Variants in CPM observed in about 807,000 individuals in gnomAD.
The protein encoded by CPM is carboxypeptidase M, also known as renal carboxypeptidase.
A neutral mutation model predicts 46.4 loss-of-function variants in CPM; 35 were observed. The observed-to-expected ratio is 0.75, with a 90% CI of 0.58 to 1.00. CPM has a LOEUF of 1.00. Among genes scored for constraint, CPM ranks in the 50% least tolerant of loss-of-function variants. The pLI is 0.00. For synonymous variants in CPM, 195 were observed against 195.3 expected (o/e 1.00, Z 0.01); for missense variants, 422 against 530.4 (o/e 0.80, Z 2.01).
intron 1 of CPM, among the ~76,000 whole-genome samples, chr12:68,962,588 A>G (rs1889140614): frequency 1.3e-5 from 2 of 152,146 alleles, no homozygotes; most frequent in African/African-American, 4.8e-5. Flanking sequence ...AAGTACTCCA[A>G]CCATCTGAAC....
intron 5 of CPM, chr12:68,842,858 T>G (rs1289660408): frequency 4.9e-6 from 1 of 204,662 alleles, no homozygotes; most frequent in African/African-American, 2.3e-5. Context: ...AATGGCCTTA[T>G]ATAATGAAGC....
At chr12:68,889,292 C>G (rs1886558374) in intron 2 of CPM, among the ~76,000 whole-genome samples, 1 of 152,098 alleles carries the variant, frequency 6.6e-6, no homozygotes, top group Admixed American at 6.6e-5. Flanking sequence ...TTTTAAATGG[C>G]TGATTAATAT....
chr12:68,953,009 T>C lies in CPM; in HGVS notation c.-4+10160A>G, dbSNP rs79244453. Among the ~76,000 whole-genome samples the C allele has an allele frequency of 7.0e-4, 106 of 152,284 alleles. No individual in the cohort carries two copies. In the East Asian group the frequency reaches 0.017, roughly 25 times the overall value. On this transcript the variant is annotated intron_variant, in intron 1 of 8. Coordinates refer to the CPM transcript ENST00000546373. The stretch of plus-strand genomic sequence containing the variant: ...ATGGTAGGATATTTTCATCCAAAAT[T>C]TACAGGTGACCTAACCAAAATCACT...
intron 7 of CPM, among the ~76,000 whole-genome samples, chr12:68,863,200 T>TA (rs1236853407): frequency 6.6e-6 from 1 of 152,186 alleles, no homozygotes; most frequent in African/African-American, 2.4e-5. Context: ...ACTCAGCACA[T>TA]ACCAGATTCT....
intron 1 of CPM, among the ~76,000 whole-genome samples, chr12:68,960,515 A>G (rs1221372441): frequency 6.6e-6 from 1 of 152,186 alleles, no homozygotes; most frequent in Non-Finnish European, 1.5e-5. Flanking sequence ...TAAAATAGCT[A>G]CGCTGAATCT....
chr12:68,893,311 C>T (rs971620749), intron 2 of CPM, among the ~76,000 whole-genome samples: 1 of 152,112 alleles, frequency 6.6e-6, no homozygotes, highest in African/African-American at 2.4e-5. Flanking sequence ...CAGGTTTGGG[C>T]CAGTCCACAT....
chr12:68,890,940 C>T (rs1333757087), intron 2 of CPM, among the ~76,000 whole-genome samples: 1 of 152,268 alleles, frequency 6.6e-6, no homozygotes, highest in Non-Finnish European at 1.5e-5. Flanking sequence ...TGGTCTGATA[C>T]ATAAAGTTCT....
chr12:68,849,713 C>T (rs916057155), downstream of CPM: 1 of 149,078 alleles, frequency 6.7e-6, no homozygotes. Context: ...CTCCTGACCT[C>T]GTGATCTGCC....
upstream of CPM, among the ~76,000 whole-genome samples, chr12:68,935,581 T>A (rs982085801): frequency 3.9e-5 from 6 of 151,922 alleles, no homozygotes; most frequent in African/African-American, 1.5e-4. Flanking sequence ...GTGAGCCACC[T>A]TGCCTGGCCT....
At chr12:68,943,434 G>A (rs1439939767) in intron 1 of CPM, among the ~76,000 whole-genome samples, 1 of 152,008 alleles carries the variant, frequency 6.6e-6, no homozygotes, top group Admixed American at 6.6e-5. Context: ...AGACAGAAAG[G>A]GATACAACAG....
At chr12:68,927,228 G>T (rs1212138072) in intron 2 of CPM, among the ~76,000 whole-genome samples, 2 of 151,210 alleles carry the variant, frequency 1.3e-5, no homozygotes, top group Admixed American at 6.6e-5. Flanking sequence ...AGCACCTGTT[G>T]TTTCCTGACT....
At chr12:68,928,032 T>C (rs572930317) in intron 2 of CPM, among the ~76,000 whole-genome samples, 23 of 152,228 alleles carry the variant, frequency 1.5e-4, no homozygotes, top group African/African-American at 5.3e-4. Flanking sequence ...TTAAAGTTCA[T>C]ATGGAACCAA....
intron 2 of CPM, among the ~76,000 whole-genome samples, chr12:68,917,670 T>G (rs1429774485): frequency 6.6e-6 from 1 of 152,232 alleles, no homozygotes; most frequent in Admixed American, 6.5e-5. Context: ...TATGTTATTT[T>G]TGTGCCCTCA....
At chr12:68,920,947 C>A (rs1888016623) in intron 2 of CPM, among the ~76,000 whole-genome samples, 1 of 151,746 alleles carries the variant, frequency 6.6e-6, no homozygotes, top group Non-Finnish European at 1.5e-5. Context: ...AGCAATCGGC[C>A]TGCCTTGGCC....
chr12:68,922,960 AG>A (rs1421158383), intron 2 of CPM, among the ~76,000 whole-genome samples: 1 of 152,098 alleles, frequency 6.6e-6, no homozygotes, highest in Non-Finnish European at 1.5e-5. Context: ...TGTGTTGCCC[AG>A]GCTGGAGTGC....
chr12:68,914,753 C>G (rs930108043), intron 2 of CPM, among the ~76,000 whole-genome samples: 3 of 152,094 alleles, frequency 2.0e-5, no homozygotes, highest in African/African-American at 7.2e-5. Flanking sequence ...TGGCCTAGGT[C>G]ACCTCCACAG....
intron 1 of CPM, among the ~76,000 whole-genome samples, chr12:68,962,149 A>C (rs11177422): frequency 6.6e-6 from 1 of 151,240 alleles, no homozygotes; most frequent in Admixed American, 6.6e-5. Flanking sequence ...GCAGTGAGCC[A>C]AGATAGCGCC....
At chr12:68,923,173 G>T (rs1888111204) in intron 2 of CPM, among the ~76,000 whole-genome samples, 1 of 127,210 alleles carries the variant, frequency 7.9e-6, no homozygotes, top group Non-Finnish European at 1.7e-5. Context: ...GTGTGTGTGT[G>T]TGTGTGTGTG....
intron 2 of CPM, among the ~76,000 whole-genome samples, chr12:68,926,957 C>T (rs1442113655): frequency 6.6e-6 from 1 of 152,202 alleles, no homozygotes; most frequent in African/African-American, 2.4e-5. Flanking sequence ...TTAATCCAGT[C>T]TATCGTTGTT....
Sources: allele counts gnomAD v4.1 joint callset (sites outside exome capture counted in the v4.1 genomes callset), GRCh38; gene constraint gnomAD v4.1.1; transcripts MANE v1.5; gene names NCBI Gene and HGNC (gene_info 2026-07-23, HGNC 2026-07-21).